DDX51: variants seen among roughly 807,000 people sequenced by gnomAD.
DDX51 encodes the protein ATP-dependent RNA helicase DDX51.
Under a neutral mutation model 74.6 loss-of-function variants are expected in DDX51, and 67 were observed. The ratio of observed to expected loss-of-function variants is 0.90; its 90% confidence interval spans 0.74 to 1.10. The LOEUF (loss-of-function observed/expected upper bound fraction) is 1.10. Among genes scored for constraint, DDX51 ranks in the 50% least tolerant of loss-of-function variants. The pLI is 0.00. For synonymous variants in DDX51, 545 were observed against 402.9 expected (o/e 1.35, Z -4.22); for missense variants, 1,056 against 905.2 (o/e 1.17, Z -2.14).
chr12:132,142,172 C>G lies in DDX51; in HGVS notation c.835G>C (p.Val279Leu). 6.4e-7 allele frequency: 1 copy of G among 1,556,902 alleles called. No individual in the cohort carries two copies. The highest frequency in any genetic ancestry group is 8.7e-7 in the Non-Finnish European group (1 of 1,150,170). ...PVVQALLSRVVCHIRALVVLP... is the reference protein window; with the variant it reads ...PVVQALLSRVLCHIRALVVLP... ...ACAACCAGGGCACGGATGTGGCAGA[C>G]CACTCTCGAAAGCAGGGCCTGAGGG... Residue 279 changes from valine (V) to leucine (L), a missense_variant, in exon 5 of 15, where the codon GTC becomes CTC. Transcript: ENST00000397333.
chr12:132,141,121 C>A (rs2090311670), intron 8 of DDX51, 101 bp from the exon 9 acceptor site: 8 of 1,500,510 alleles, frequency 5.3e-6, no homozygotes, highest in Middle Eastern at 2.4e-4. Flanking sequence ...CTGCCGCAGA[C>A]CAGGAGCAAG....
chr12:132,141,490 G>A lies in DDX51; in HGVS notation c.1104+8C>T, dbSNP rs544674251. On this transcript the variant is annotated splice_region_variant and intron_variant, in intron 7 of 14. Transcript: ENST00000397333. ...CTCAAAGCCCAGGCCCCTGGGGCGGGGACCTACCAGGAAGCGGAGCTGCTG... is the reference window on the plus strand; with the variant it reads ...CTCAAAGCCCAGGCCCCTGGGGCGGAGACCTACCAGGAAGCGGAGCTGCTG... The A allele has an allele frequency of 3.2e-6, 5 of 1,586,014 alleles. No individual in the cohort carries two copies. The Admixed American group carries it at 8.6e-5, about 27-fold the overall frequency.
chr12:132,139,563 A>C, intron 14 of DDX51, 72 bp downstream of exon 14: 1 of 1,610,306 alleles, frequency 6.2e-7, no homozygotes, highest in East Asian at 2.2e-5. Flanking sequence ...TCTTTTCTCC[A>C]CGTGTGGTGA....
intron 9 of DDX51, 37 bp from the exon 10 acceptor site, chr12:132,140,772 G>A (rs1897423894): frequency 3.1e-6 from 5 of 1,613,026 alleles, no homozygotes; most frequent in Admixed American, 1.7e-5. Flanking sequence ...GGAGGTGAGG[G>A]TTGGTTAGGG....
Position 132,141,331 on chromosome 12 carries a change from G to C in DDX51, c.1194C>G (p.Pro398=). ...GCTGGAGCAGGGCACAGGGGTCCGCGGGGTCCTCGCTCTGGAAGGCGGCCG... is the reference window on the plus strand; with the variant it reads ...GCTGGAGCAGGGCACAGGGGTCCGCCGGGTCCTCGCTCTGGAAGGCGGCCG... ...VVAAAFQSED[P]ADPCALLQRR... is the part of the protein sequence containing the mutation. The change falls in exon 8 of 15, where the codon CCC becomes CCG. Residue 398 remains proline, a synonymous_variant. Transcript: ENST00000397333. 1 of 1,598,794 alleles carries C rather than the reference G, an allele frequency of 6.3e-7. No individual in the cohort carries two copies. Among genetic ancestry groups the C allele is most frequent in the Admixed American group, 1.7e-5 (1 of 59,976 alleles).
At position 132,143,601 on chromosome 12, in the gene DDX51, C is replaced by A. The variant is rs1232447966; in HGVS notation, c.519+94G>T. On this transcript the variant is annotated intron_variant, in intron 2 of 14. Coordinates refer to ENST00000397333, the MANE Select transcript of DDX51 (RefSeq NM_175066.4). ...GGCGCGGCTGTGACCCGGGAACATTCGCTGAACGAAATCTTCCGGGGCGAC... is the reference window on the plus strand; with the variant it reads ...GGCGCGGCTGTGACCCGGGAACATTAGCTGAACGAAATCTTCCGGGGCGAC... 2.7e-6 allele frequency: 4 copies of A among 1,469,044 alleles called. No homozygotes were observed. The African/African-American group carries it at 5.7e-5, about 21-fold the overall frequency. The allele number at this position is 1,469,044 out of a possible 1,614,324, so 91.0% of individuals were successfully genotyped here.
intron 6 of DDX51, 43 bp downstream of exon 6, chr12:132,141,807 G>C (rs377623915): frequency 4.2e-5 from 67 of 1,599,386 alleles, no homozygotes; most frequent in Non-Finnish European, 5.6e-5. Flanking sequence ...CTGCAGGGCT[G>C]AGCAGGGACC....
At chr12:132,141,147 G>T in intron 8 of DDX51, 127 bp from the exon 9 acceptor site, 3 of 1,492,956 alleles carry the variant, frequency 2.0e-6, no homozygotes, top group East Asian at 2.3e-5. Flanking sequence ...TCCAGCTCAC[G>T]TGACAGTACG....
chr12:132,141,222 G>A (rs941229776), intron 8 of DDX51, 53 bp downstream of exon 8: 2 of 1,541,558 alleles, frequency 1.3e-6, no homozygotes, highest in Non-Finnish European at 8.7e-7. Context: ...GGAGAGCTGT[G>A]TGCAGAGGAC....
Position 132,140,484 on chromosome 12 carries a change from G to T in DDX51, c.1612C>A (p.Arg538Ser). 6.2e-7 allele frequency: 1 copy of T among 1,613,164 alleles called. No individual in the cohort carries two copies. The highest frequency in any genetic ancestry group is 1.3e-5 in the African/African-American group (1 of 75,044). The change falls in exon 11 of 15, where the codon CGC (arginine) becomes AGC (serine). Residue 538 changes from arginine (R) to serine (S), a missense_variant. Physicochemically the swap from Arg to Ser is moderately radical, Grantham distance 110. Transcript: ENST00000397333. ...GGVDVAEFSS[R>S]YGPGQRRMIL... is the part of the protein sequence containing the mutation. ...ATCCTCCTCTGGCCAGGCCCGTAGC[G>T]CGAGGAGAACTCAGCCACGTCCACA...
rs564351722 is a variant in DDX51, at chr12:132,144,280, A to G, written c.17T>C (p.Val6Ala). Reference protein sequence around the residue: MALFYVARYPGPDAAA... With the variant: MALFYAARYPGPDAAA... ...CGCATCGGGGCCCGGGTACCGCGCGACGTAGAACAGCGCCATGGCCAGCCG... is the reference window on the plus strand; with the variant it reads ...CGCATCGGGGCCCGGGTACCGCGCGGCGTAGAACAGCGCCATGGCCAGCCG... The change falls in exon 1 of 15, where the codon GTC (valine) becomes GCC (alanine). Residue 6 changes from valine to alanine, a missense_variant. Transcript: ENST00000397333. 5 of 1,308,236 alleles carry G rather than the reference A, an allele frequency of 3.8e-6. No individual in the cohort carries two copies. The highest frequency in any genetic ancestry group is 6.3e-5 in the East Asian group (2 of 31,732). 81.0% of individuals were successfully genotyped at this position (1,308,236 alleles called of 1,614,324 possible).
At position 132,141,575 on chromosome 12, in the gene DDX51, C is replaced by A. The variant is rs201806124; in HGVS notation, c.1027G>T (p.Val343Leu). ...ACCAGGCGGCCGGGGGTGGCTACCA[C>A]GATGTCAGCCAAGCAGCGGTACCCA... ...ADGYRCLADI[V>L]VATPGRLVDH... is the part of the protein sequence containing the mutation. Residue 343 changes from valine to leucine, a missense_variant, in exon 7 of 15, where the codon GTG (valine) becomes TTG (leucine). Transcript: ENST00000397333. 6.2e-7 allele frequency: 1 copy of A among 1,603,242 alleles called. No individual in the cohort carries two copies.
rs756000486 is a variant in DDX51 at position 132,142,789 on chromosome 12, A to G, written c.609T>C (p.Pro203=). The change falls in exon 3 of 15, where the codon CCT becomes CCC. Residue 203 remains proline (P), a synonymous_variant. Coordinates refer to ENST00000397333, the MANE Select transcript of DDX51 (RefSeq NM_175066.4). ...GCTTCTGCAGGTCAGGATGGACGTC[A>G]GGGATGTCCTCGATAGGAACCAGGT... ...TEDLVPIEDI[P]DVHPDLQKQL... 1.9e-6 allele frequency: 3 copies of G among 1,613,106 alleles called. No individual in the cohort carries two copies. Among genetic ancestry groups the G allele is most frequent in the Non-Finnish European group, 1.7e-6 (2 of 1,180,008 alleles).
Position 132,141,744 on chromosome 12 carries a change from C to G in DDX51, c.995+106G>C, listed in dbSNP as rs112903364. The G allele has an allele frequency of 5.9e-3, 8,643 of 1,471,568 alleles. 36 individuals carry two copies. Among genetic ancestry groups the G allele is most frequent in the East Asian group, 0.015 (660 of 43,444 alleles). The allele number at this position is 1,471,568 out of a possible 1,614,324, so 91.2% of individuals were successfully genotyped here. On this transcript the variant is annotated intron_variant, in intron 6 of 14. Coordinates refer to ENST00000397333, the MANE Select transcript of DDX51 (RefSeq NM_175066.4). Reference sequence around the variant, plus strand: ...TGGGAGCTCCTCCTCTTCACGGGAACAGGTGGTTAAAGATGGTGGCCCCTC... The same window carrying G: ...TGGGAGCTCCTCCTCTTCACGGGAAGAGGTGGTTAAAGATGGTGGCCCCTC...
Position 132,140,211 on chromosome 12 carries a change from C to T in DDX51, c.1674-12G>A, listed in dbSNP as rs116319655. On this transcript the variant is annotated splice_polypyrimidine_tract_variant and intron_variant, in intron 11 of 14. Transcript: ENST00000397333. ...CCGTGCTGATGAGCCTGCCGGGACA[C>T]GCAGCATTGTGGGCCCGACGTGCCA... 1.0e-3 allele frequency: 1,663 copies of T among 1,609,842 alleles called. 12 individuals carry two copies. In the African/African-American group the frequency reaches 0.019, roughly 19 times the overall value.
rs570692946 is a variant in DDX51 at position 132,140,382 on chromosome 12, C to A, written c.1673+41G>T. 6 of 1,600,470 alleles carry A rather than the reference C, an allele frequency of 3.7e-6. No individual in the cohort carries two copies. In the East Asian group the frequency reaches 8.9e-5, roughly 24 times the overall value. ...CCCCAGGCTGACCCTGGAGTGGGCA[C>A]CCCCACCCCACAGAGGCCTTGCCCC... is the stretch of plus-strand genomic sequence containing the variant. On this transcript the variant is annotated intron_variant, in intron 11 of 14. Transcript: ENST00000397333.
chr12:132,139,642 G>T lies in DDX51; in HGVS notation c.1967C>A (p.Ser656Tyr). 6 of 1,613,118 alleles carry T rather than the reference G, an allele frequency of 3.7e-6. No individual in the cohort carries two copies. The highest frequency in any genetic ancestry group is 5.1e-6 in the Non-Finnish European group (6 of 1,180,014). The change falls in exon 14 of 15, where the codon TCT (serine) becomes TAT (tyrosine). Residue 656 changes from serine (S) to tyrosine (Y), a missense_variant. By Grantham distance (144) the Ser-to-Tyr change is moderately radical. Transcript: ENST00000397333. ...YEEALSQLEE[S>Y]VKEERKQRAA ...GGACTCTGGTGCCCTTACCTTGACA[G>T]ACTCCTCCAGCTGGGACAGGGCCTC...
At chr12:132,140,381 AC>A (rs1364233713) in intron 11 of DDX51, 41 bp downstream of exon 11, 1 of 1,600,912 alleles carries the variant, frequency 6.2e-7, no homozygotes, top group South Asian at 1.1e-5. Flanking sequence ...TGGAGTGGGC[AC>A]CCCCACCCCA....
rs770253687 is a variant in DDX51 at position 132,143,733 on chromosome 12, G to C, written c.481C>G (p.Leu161Val). The change falls in exon 2 of 15, where the codon CTG (leucine) becomes GTG (valine). Residue 161 changes from leucine to valine, a missense_variant. Transcript: ENST00000397333. ...CTCTTCCCGAACCCCCCCAGCACCA[G>C]GCCGGGGACCAGGGGTCCGGCCGCC... ...EEAAGPLVPG[L>V]VLGGFGKRKA... is the part of the protein sequence containing the mutation. 32 of 1,533,948 alleles carry C rather than the reference G, an allele frequency of 2.1e-5. No individual in the cohort carries two copies. The highest frequency in any genetic ancestry group is 2.8e-5 in the Non-Finnish European group (32 of 1,142,714).
Sources: gnomAD v4.1 joint callset for allele counts on GRCh38, gnomAD v4.1.1 for gene constraint, MANE v1.5 for transcripts, NCBI Gene and HGNC (gene_info 2026-07-23, HGNC 2026-07-21) for gene names.